OTUD3: variants seen among roughly 807,000 people sequenced by gnomAD.
OTUD3 encodes OTU domain-containing protein 3.
In OTUD3, 24 loss-of-function variants were observed where a neutral mutation model predicts 46.2. That is an observed-to-expected ratio of 0.52 (90% CI 0.38 to 0.73). OTUD3 has a LOEUF of 0.73. OTUD3 is among the 30% of genes least tolerant of loss of function. OTUD3 has a pLI of 0.00. For missense variants in OTUD3, 455 were observed against 523.3 expected (o/e 0.87, Z 1.27); for synonymous variants, 189 against 195.4 (o/e 0.97, Z 0.27).
intron 5 of OTUD3, 142 bp downstream of exon 5, chr1:19,904,540 T>C: frequency 1.4e-6 from 1 of 722,708 alleles, no homozygotes; most frequent in Non-Finnish European, 2.3e-6. Context: ...TTGATTAGTG[T>C]ATGTGGCTTA....
At chr1:19,889,554 A>G (rs2045419592) in intron 1 of OTUD3, among the ~76,000 whole-genome samples, 1 of 152,178 alleles carries the variant, frequency 6.6e-6, no homozygotes, top group South Asian at 2.1e-4. Flanking sequence ...TTTTAAGGAT[A>G]CCAGATTGTG....
chr1:19,886,745 C>G lies in OTUD3; in HGVS notation c.222-3640C>G, dbSNP rs201971409. On this transcript the variant is annotated intron_variant, in intron 1 of 7. Transcript: ENST00000375120. Reference sequence around the variant, plus strand: ...CCACCTGGACTGCTAGTGAAAACACCTGGAAGGGCTACGTTGCTGGGCCCC... The same window carrying G: ...CCACCTGGACTGCTAGTGAAAACACGTGGAAGGGCTACGTTGCTGGGCCCC... Among the ~76,000 whole-genome samples the G allele has an allele frequency of 2.6e-5, 4 of 152,322 alleles. No homozygotes were observed. In the East Asian group the frequency reaches 7.7e-4, roughly 29 times the overall value.
chr1:19,894,339 C>T (rs762871877), intron 2 of OTUD3, 29 bp from the exon 3 acceptor site: 45 of 1,323,284 alleles, frequency 3.4e-5, no homozygotes, highest in South Asian at 5.1e-5. Context: ...ACTATAAAGA[C>T]GTCATTTTTC....
chr1:19,889,993 A>C (rs1472375469), intron 1 of OTUD3, among the ~76,000 whole-genome samples: 2 of 152,244 alleles, frequency 1.3e-5, no homozygotes, highest in African/African-American at 4.8e-5. Context: ...GGCTGTAGAT[A>C]GGACATGATT....
At chr1:19,888,700 T>C (rs1200160510) in intron 1 of OTUD3, among the ~76,000 whole-genome samples, 1 of 152,180 alleles carries the variant, frequency 6.6e-6, no homozygotes, top group Non-Finnish European at 1.5e-5. Flanking sequence ...TAATAGGACC[T>C]ATCTCAGAGT....
chr1:19,886,295 A>G (rs1449764560), intron 1 of OTUD3, among the ~76,000 whole-genome samples: 5 of 152,242 alleles, frequency 3.3e-5, no homozygotes, highest in African/African-American at 1.2e-4. Flanking sequence ...ACTCATTAGC[A>G]GTGTTCTAAA....
chr1:19,906,298 C>T lies in OTUD3; in HGVS notation c.836-134C>T, dbSNP rs574622550. ...CTATGTTTCCCACTGTCTTGACATTCGAATTTGTCTCAAGGAAACTTACTT... is the reference window on the plus strand; with the variant it reads ...CTATGTTTCCCACTGTCTTGACATTTGAATTTGTCTCAAGGAAACTTACTT... On this transcript the variant is annotated intron_variant, in intron 6 of 7. Coordinates refer to ENST00000375120, the MANE Select transcript of OTUD3 (RefSeq NM_015207.2). The T allele has an allele frequency of 3.6e-4, 253 of 695,412 alleles. No individual in the cohort carries two copies. The African/African-American group carries it at 4.1e-3, about 11-fold the overall frequency. The allele number at this position is 695,412 out of a possible 1,614,324, so 43.1% of individuals were successfully genotyped here.
At chr1:19,895,272 A>G (rs1158877814) in intron 3 of OTUD3, among the ~76,000 whole-genome samples, 2 of 152,236 alleles carry the variant, frequency 1.3e-5, no homozygotes, top group Non-Finnish European at 2.9e-5. Flanking sequence ...CTGATTAAAA[A>G]TAGGTTTATA....
Position 19,912,135 on chromosome 1 carries a change from T to C in OTUD3, c.*4389T>C, listed in dbSNP as rs1443057114. 1 of 152,522 alleles carries C rather than the reference T, an allele frequency of 6.6e-6. No individual in the cohort carries two copies. Among genetic ancestry groups the C allele is most frequent in the East Asian group, 1.9e-4 (1 of 5,320 alleles). The allele number at this position is 152,522 out of a possible 1,614,324, so 9.4% of individuals were successfully genotyped here. A position where few individuals can be genotyped will look rare whatever the true frequency, so the allele number is the denominator to read the frequency against. On this transcript the variant is annotated 3_prime_UTR_variant, in exon 8 of 8. Transcript: ENST00000375120. ...TAGGGAATTTATTCTAAGCAGGTCA[T>C]AGCCGTGATCCAGAGCTGCTGCTGC...
At chr1:19,903,855 A>T (rs956179658) in intron 4 of OTUD3, among the ~76,000 whole-genome samples, 6 of 152,206 alleles carry the variant, frequency 3.9e-5, no homozygotes, top group Non-Finnish European at 7.3e-5. Context: ...GGGAAGTTGT[A>T]TGTAGGTTTC....
chr1:19,907,380 C>T (rs2045674078), intron 7 of OTUD3, among the ~76,000 whole-genome samples, 190 bp from the exon 8 acceptor site: 1 of 152,242 alleles, frequency 6.6e-6, no homozygotes. Flanking sequence ...TTTGCTAGTT[C>T]AGCAAGGAAA....
chr1:19,899,898 C>G (rs1352557052), intron 4 of OTUD3, among the ~76,000 whole-genome samples: 1 of 151,428 alleles, frequency 6.6e-6, no homozygotes, highest in African/African-American at 2.4e-5. Context: ...TATTCATTTT[C>G]TTTCTCCATT....
In OTUD3 at chr1:19,908,100, G is replaced by A. The variant is rs1023923551; in HGVS notation, c.*354G>A. On this transcript the variant is annotated 3_prime_UTR_variant, in exon 8 of 8. Transcript: ENST00000375120. ...CTAGGATCTTTCCTTAACATTTGGG[G>A]TGAGTTTTGCTGTAATTGTTCATGA... 1 of 174,510 alleles carries A rather than the reference G, an allele frequency of 5.7e-6. No individual in the cohort carries two copies. Among genetic ancestry groups the A allele is most frequent in the Non-Finnish European group, 1.2e-5 (1 of 82,624 alleles). 10.8% of individuals were successfully genotyped at this position (174,510 alleles called of 1,614,324 possible). A position where few individuals can be genotyped will look rare whatever the true frequency, so the allele number is the denominator to read the frequency against.
intron 7 of OTUD3, among the ~76,000 whole-genome samples, chr1:19,907,302 G>GT (rs1271684991): frequency 2.0e-5 from 3 of 152,166 alleles, no homozygotes; most frequent in Non-Finnish European, 4.4e-5. Context: ...TCTCTGACAC[G>GT]TTTGTTTGTT....
rs1436386099 is a variant in OTUD3 at position 19,907,652 on chromosome 1, A to G, written c.1103A>G (p.Glu368Gly). ...GAGAGGCACCGCCACAAAGCCCTGG[A>G]GAGCAGAGGTAGCCACAGGGACAAT... Reference protein sequence around the residue: ...QEERHRHKALESRGSHRDNNR... With the variant: ...QEERHRHKALGSRGSHRDNNR... Residue 368 changes from glutamate to glycine, a missense_variant, in exon 8 of 8, where the codon GAG becomes GGG. Coordinates refer to ENST00000375120, the MANE Select transcript of OTUD3 (RefSeq NM_015207.2). The G allele has an allele frequency of 6.2e-7, 1 of 1,614,220 alleles. No individual in the cohort carries two copies. Among genetic ancestry groups the G allele is most frequent in the South Asian group, 1.1e-5 (1 of 91,088 alleles).
At chr1:19,899,252 C>T (rs1312621332) in intron 4 of OTUD3, among the ~76,000 whole-genome samples, 1 of 152,192 alleles carries the variant, frequency 6.6e-6, no homozygotes, top group African/African-American at 2.4e-5. Flanking sequence ...ATTAGTATAT[C>T]ATAAAATCTC....
intron 1 of OTUD3, among the ~76,000 whole-genome samples, chr1:19,887,048 A>C (rs1250295824): frequency 6.6e-6 from 1 of 152,144 alleles, no homozygotes; most frequent in Non-Finnish European, 1.5e-5. Context: ...TCAATATAAA[A>C]ATTATTGATC....
chr1:19,905,021 A>G, intron 6 of OTUD3, 34 bp downstream of exon 6: 1 of 1,102,796 alleles, frequency 9.1e-7, no homozygotes, highest in Admixed American at 2.1e-5. Context: ...AGATCTTCAA[A>G]ATGGTTGTGT....
chr1:19,895,452 A>T (rs988381074), intron 3 of OTUD3, among the ~76,000 whole-genome samples: 1 of 152,134 alleles, frequency 6.6e-6, no homozygotes, highest in Non-Finnish European at 1.5e-5. Flanking sequence ...CCCTCCCCCA[A>T]TACCCAGCCT....
Sources: allele counts gnomAD v4.1 joint callset (sites outside exome capture counted in the v4.1 genomes callset), GRCh38; gene constraint gnomAD v4.1.1; transcripts MANE v1.5; gene names NCBI Gene and HGNC (gene_info 2026-07-23, HGNC 2026-07-21).